AHI1: variants seen among roughly 807,000 people sequenced by gnomAD.
AHI1 encodes the protein Abelson helper integration site 1.
A neutral mutation model predicts 149.3 loss-of-function variants in AHI1; 123 were observed. The observed-to-expected ratio is 0.82, with a 90% CI of 0.71 to 0.96. AHI1 has a LOEUF of 0.96. Among genes scored for constraint, AHI1 ranks in the 40% least tolerant of loss-of-function variants. AHI1 has a pLI of 0.00. For missense variants in AHI1, 1,439 were observed against 1,422.7 expected, an observed-to-expected ratio of 1.01 and a Z score of -0.18; for synonymous variants, 475 against 459.8, an observed-to-expected ratio of 1.03 and a Z score of -0.42.
At chr6:135,486,523 G>A (rs550149895) in intron 5 of AHI1, among the ~76,000 whole-genome samples, 1 of 152,038 alleles carries the variant, frequency 6.6e-6, no homozygotes, top group South Asian at 2.1e-4. Context: ...AGCAGTTCTT[G>A]GGGGGAACTA....
rs564972473 is a variant in AHI1 at position 135,492,657 on chromosome 6, GA to G, written c.-54-367del. The G allele has an allele frequency of 1.5e-3, 1,429 of 985,372 alleles. 1 individual carries two copies. The highest frequency in any genetic ancestry group is 1.6e-3 in the Middle Eastern group (3 of 1,914). 61.0% of individuals were successfully genotyped at this position (985,372 alleles called of 1,614,324 possible). A position where few individuals can be genotyped will look rare whatever the true frequency, so the allele number is the denominator to read the frequency against. On this transcript the variant is annotated intron_variant, in intron 3 of 28. Transcript: ENST00000265602. The stretch of plus-strand genomic sequence containing the variant: ...AGAAACCAAACTCCATCTCAGGATT[GA>G]CTTTCCTAAGAGCATTCAATATTAC...
At chr6:135,389,207 A>C (rs1778088534) in intron 23 of AHI1, among the ~76,000 whole-genome samples, 1 of 146,526 alleles carries the variant, frequency 6.8e-6, no homozygotes, top group Non-Finnish European at 1.5e-5. Flanking sequence ...GCTACTCGGG[A>C]GGCTGAGGCA....
chr6:135,424,918 C>T (rs1012247056), intron 20 of AHI1, among the ~76,000 whole-genome samples: 1 of 151,642 alleles, frequency 6.6e-6, no homozygotes, highest in Non-Finnish European at 1.5e-5. Context: ...ACTTTATTTT[C>T]AACCAAAAAA....
At chr6:135,363,661 G>A (rs1184027418) in intron 23 of AHI1, among the ~76,000 whole-genome samples, 3 of 150,784 alleles carry the variant, frequency 2.0e-5, no homozygotes, top group Non-Finnish European at 4.4e-5. Flanking sequence ...GGACGGGGCG[G>A]CTGGCCGGGC....
intron 27 of AHI1, among the ~76,000 whole-genome samples, chr6:135,292,596 C>T (rs1782502127): frequency 6.6e-6 from 1 of 152,144 alleles, no homozygotes; most frequent in Non-Finnish European, 1.5e-5. Context: ...CTGATGAGTG[C>T]ACACATCTGG....
intron 4 of AHI1, among the ~76,000 whole-genome samples, chr6:135,491,789 C>T (rs991054094): frequency 6.6e-6 from 1 of 152,124 alleles, no homozygotes; most frequent in African/African-American, 2.4e-5. Context: ...TGAAATCAGA[C>T]ATACCCATTT....
At chr6:135,455,985 AAT>A in intron 9 of AHI1, 59 bp from the exon 10 acceptor site, 1 of 1,212,228 alleles carries the variant, frequency 8.2e-7, no homozygotes, top group Non-Finnish European at 1.1e-6. Context: ...GTGAGAAAAA[AAT>A]ATATAGTGTA....
chr6:135,488,986 C>T (rs1273997222), intron 5 of AHI1, among the ~76,000 whole-genome samples: 1 of 152,066 alleles, frequency 6.6e-6, no homozygotes, highest in African/African-American at 2.4e-5. Flanking sequence ...GTAATTTCGT[C>T]GTTTGTATTA....
At chr6:135,391,708 T>C (rs1485761820) in intron 23 of AHI1, among the ~76,000 whole-genome samples, 1 of 151,948 alleles carries the variant, frequency 6.6e-6, no homozygotes, top group African/African-American at 2.4e-5. Flanking sequence ...AGCTCTCTTC[T>C]AAGTATTGTT....
At chr6:135,400,039 T>C (rs1362794286) in intron 22 of AHI1, among the ~76,000 whole-genome samples, 4 of 152,124 alleles carry the variant, frequency 2.6e-5, no homozygotes, top group Non-Finnish European at 5.9e-5. Context: ...TCTGCTCCTC[T>C]CTCTCCTCCC....
At chr6:135,303,125 G>C (rs950655885) in intron 26 of AHI1, among the ~76,000 whole-genome samples, 7 of 152,104 alleles carry the variant, frequency 4.6e-5, no homozygotes, top group Non-Finnish European at 1.0e-4. Context: ...TAAAATAAAT[G>C]ATTAATGGAA....
At chr6:135,487,008 C>T (rs1249703980) in intron 5 of AHI1, among the ~76,000 whole-genome samples, 2 of 152,156 alleles carry the variant, frequency 1.3e-5, no homozygotes, top group African/African-American at 2.4e-5. Context: ...TCAAGCAATT[C>T]TCCCACCTTG....
chr6:135,349,461 T>A (rs753056554), intron 24 of AHI1, among the ~76,000 whole-genome samples: 7 of 152,166 alleles, frequency 4.6e-5, no homozygotes, highest in African/African-American at 9.7e-5. Context: ...GGATCCCACA[T>A]CCCACTGCTT....
At chr6:135,457,768 T>C in intron 8 of AHI1, 55 bp from the exon 9 acceptor site, 1 of 1,468,222 alleles carries the variant, frequency 6.8e-7, no homozygotes, top group Non-Finnish European at 9.5e-7. Flanking sequence ...CATAGTAGTA[T>C]TTACATATAA....
At chr6:135,392,862 T>C (rs1486843131) in intron 23 of AHI1, among the ~76,000 whole-genome samples, 1 of 152,172 alleles carries the variant, frequency 6.6e-6, no homozygotes, top group Non-Finnish European at 1.5e-5. Flanking sequence ...GCTCACCTGG[T>C]TCCTAAGGCA....
chr6:135,394,274 T>C (rs917374522), intron 23 of AHI1, among the ~76,000 whole-genome samples: 2 of 152,068 alleles, frequency 1.3e-5, no homozygotes, highest in African/African-American at 4.8e-5. Flanking sequence ...ATTTAAAATA[T>C]TTGCCAAAAC....
chr6:135,312,391 G>A (rs747525008), intron 26 of AHI1, among the ~76,000 whole-genome samples: 4 of 152,096 alleles, frequency 2.6e-5, no homozygotes, highest in Non-Finnish European at 5.9e-5. Context: ...GTGCACGCCT[G>A]TAATCTCAGC....
At chr6:135,431,426 C>T in intron 16 of AHI1, 112 bp from the exon 17 acceptor site, 3 of 544,442 alleles carry the variant, frequency 5.5e-6, no homozygotes, top group Non-Finnish European at 8.9e-6. Flanking sequence ...AATTGAAGGG[C>T]TATTAAAAGG....
chr6:135,412,707 T>C (rs184465286), intron 20 of AHI1, among the ~76,000 whole-genome samples: 6 of 152,328 alleles, frequency 3.9e-5, no homozygotes, highest in Admixed American at 1.3e-4. Context: ...AGAAAAAATA[T>C]ATAAACTCAT....
Sources: allele counts gnomAD v4.1 joint callset (sites outside exome capture counted in the v4.1 genomes callset), GRCh38; gene constraint gnomAD v4.1.1; transcripts MANE v1.5; gene names NCBI Gene and HGNC (gene_info 2026-07-23, HGNC 2026-07-21).